RANBP3: variants seen among roughly 807,000 people sequenced by gnomAD.
The protein encoded by RANBP3 is RAN binding protein 3, also known as ran-binding protein 3.
In RANBP3, 14 loss-of-function variants were observed where a neutral mutation model predicts 77.3. That is an observed-to-expected ratio of 0.18 (90% CI 0.12 to 0.28). The LOEUF is 0.28. Ranked by LOEUF, RANBP3 falls within the 10% of genes least tolerant of loss-of-function variation. RANBP3 has a pLI of 1.00. For missense variants in RANBP3, 586 were observed against 752.3 expected (o/e 0.78, Z 2.59); for synonymous variants, 315 against 312.4 (o/e 1.01, Z -0.09).
At chr19:5,972,367 A>G (rs1236795603) in intron 1 of RANBP3, among the ~76,000 whole-genome samples, 3 of 152,222 alleles carry the variant, frequency 2.0e-5, no homozygotes, top group Non-Finnish European at 4.4e-5. Context: ...AACTGTGGAC[A>G]TGTGGAAGGT....
At chr19:5,942,700 CAAAAAA>C (rs11298054) in intron 3 of RANBP3, among the ~76,000 whole-genome samples, 1 of 90,850 alleles carries the variant, frequency 1.1e-5, no homozygotes. Context: ...GACTCTGTCT[CAAAAAA>C]AAAAAAAAAA....
At chr19:5,963,058 A>G (rs1268411089) in intron 1 of RANBP3, among the ~76,000 whole-genome samples, 1 of 152,216 alleles carries the variant, frequency 6.6e-6, no homozygotes, top group Non-Finnish European at 1.5e-5. Flanking sequence ...TCACCACTGC[A>G]GATTTCTAGA....
intron 9 of RANBP3, among the ~76,000 whole-genome samples, chr19:5,927,223 C>T (rs1004027139): frequency 1.2e-4 from 18 of 152,282 alleles, no homozygotes; most frequent in African/African-American, 4.3e-4. Flanking sequence ...AGTCCCAGTG[C>T]ATGGTCCAGG....
In RANBP3 at chr19:5,921,038, A is replaced by G; in HGVS notation, c.1330+163T>C. 1 of 763,644 alleles carries G rather than the reference A, an allele frequency of 1.3e-6. No homozygotes were observed. Among genetic ancestry groups the G allele is most frequent in the Non-Finnish European group, 1.9e-6 (1 of 516,818 alleles). 47.3% of individuals were successfully genotyped at this position (763,644 alleles called of 1,614,324 possible). A position where few individuals can be genotyped will look rare whatever the true frequency, so the allele number is the denominator to read the frequency against. On this transcript the variant is annotated intron_variant, in intron 14 of 16. Coordinates refer to ENST00000340578, the MANE Select transcript of RANBP3 (RefSeq NM_007322.3). This position sits in a 1 kb window ranked among gnomAD's most constrained non-coding sequence, Gnocchi z 5.3. ...GAGGGTGGTGTTGAGGGCTGGGTGC[A>G]GGGAGGGGGTTTGGGGGGCGGCTCT...
intron 9 of RANBP3, 111 bp from the exon 10 acceptor site, chr19:5,925,848 C>T (rs2057900797): frequency 1.2e-6 from 1 of 821,638 alleles, no homozygotes; most frequent in African/African-American, 1.7e-5. Flanking sequence ...GAGCCATGAA[C>T]CCTCTCCTGT....
Position 5,918,610 on chromosome 19 carries a change from C to T in RANBP3, c.1359G>A (p.Leu453=). ...LVMRTQGSLR[L]ILNTKLWAQM... ...GGGCCCACAGCTTGGTGTTGAGGAT[C>T]AGTCGCAGGCTCCCCTGGGTCCGCA... The change falls in exon 15 of 17, where the codon CTG becomes CTA. Residue 453 remains leucine (L), a synonymous_variant. Coordinates refer to ENST00000340578, the MANE Select transcript of RANBP3 (RefSeq NM_007322.3). 1.2e-6 allele frequency: 2 copies of T among 1,613,784 alleles called. No homozygotes were observed. Among genetic ancestry groups the T allele is most frequent in the East Asian group, 2.2e-5 (1 of 44,876 alleles).
intron 1 of RANBP3, among the ~76,000 whole-genome samples, chr19:5,965,303 G>C (rs2058454107): frequency 1.3e-5 from 2 of 152,140 alleles, no homozygotes; most frequent in African/African-American, 4.8e-5. Context: ...AAAGGGCCCA[G>C]ATACTGCCTC....
chr19:5,974,927 A>G (rs2058572660), intron 1 of RANBP3, among the ~76,000 whole-genome samples: 1 of 152,158 alleles, frequency 6.6e-6, no homozygotes, highest in Non-Finnish European at 1.5e-5. Context: ...TGGCCCAGAG[A>G]AGAGAGATGG....
chr19:5,931,626 G>A, intron 7 of RANBP3, 95 bp from the exon 8 acceptor site: 1 of 1,384,216 alleles, frequency 7.2e-7, no homozygotes, highest in Non-Finnish European at 9.7e-7. Flanking sequence ...TCTAGTCTAG[G>A]GCCCCTCCCA....
In RANBP3 at chr19:5,917,418, G is replaced by A. The variant is rs550952437; in HGVS notation, c.*192C>T. ...TCGCTCATCAATATGATGAGGTCTC[G>A]TGTCCCAAACCACATTCAGGCAGTT... On this transcript the variant is annotated 3_prime_UTR_variant, in exon 17 of 17. Transcript: ENST00000340578. 7.3e-5 allele frequency: 42 copies of A among 578,556 alleles called. 1 individual carries two copies. Among genetic ancestry groups the A allele is most frequent in the Middle Eastern group, 4.6e-4 (1 of 2,170 alleles). 35.8% of individuals were successfully genotyped at this position (578,556 alleles called of 1,614,324 possible).
Position 5,955,757 on chromosome 19 carries a change from C to CG in RANBP3, c.78+2160dup, listed in dbSNP as rs2058327888. Among the ~76,000 whole-genome samples the CG allele has an allele frequency of 2.0e-5, 3 of 152,298 alleles. No homozygotes were observed. In the South Asian group the frequency reaches 6.2e-4, roughly 32 times the overall value. ...ATATCTTAAGGCTCTGCAAGCCACA[C>CG]GGTCTCTGTCCAAATACTACTGCTG... On this transcript the variant is annotated intron_variant, in intron 2 of 16. Transcript: ENST00000340578.
Position 5,916,753 on chromosome 19 carries a change from G to A in RANBP3, c.*857C>T, listed in dbSNP as rs977602124. The A allele has an allele frequency of 3.3e-5, 5 of 152,318 alleles. No individual in the cohort carries two copies. The highest frequency in any genetic ancestry group is 2.1e-4 in the South Asian group (1 of 4,838). The allele number at this position is 152,318 out of a possible 1,614,324, so 9.4% of individuals were successfully genotyped here. A position where few individuals can be genotyped will look rare whatever the true frequency, so the allele number is the denominator to read the frequency against. On this transcript the variant is annotated 3_prime_UTR_variant, in exon 17 of 17. Transcript: ENST00000340578. The stretch of plus-strand genomic sequence containing the variant: ...GGTGAACCACGTGACAGATGGAGAC[G>A]GGAGTCAGGGGACCCTGGGGACCCT...
At chr19:5,968,282 G>A (rs1428115264) in intron 1 of RANBP3, among the ~76,000 whole-genome samples, 1 of 152,286 alleles carries the variant, frequency 6.6e-6, no homozygotes, top group East Asian at 1.9e-4. Flanking sequence ...TGGAGAGCGC[G>A]GGCTCTGGTC....
intron 3 of RANBP3, among the ~76,000 whole-genome samples, chr19:5,945,430 C>T (rs1310567797): frequency 6.6e-6 from 1 of 152,154 alleles, no homozygotes; most frequent in Non-Finnish European, 1.5e-5. Context: ...ATATTTTGAT[C>T]CTTTAAAATT....
intron 1 of RANBP3, among the ~76,000 whole-genome samples, chr19:5,972,413 C>T (rs144008266): frequency 5.3e-5 from 8 of 152,302 alleles, no homozygotes; most frequent in Middle Eastern, 3.4e-3. Context: ...TCCCAGGCCA[C>T]GTTATTCTCT....
In RANBP3 at chr19:5,924,749, G is replaced by C. The variant is rs2057878166; in HGVS notation, c.996+78C>G. 5 of 1,403,716 alleles carry C rather than the reference G, an allele frequency of 3.6e-6. No homozygotes were observed. The Admixed American group carries it at 6.7e-5, about 19-fold the overall frequency. The allele number at this position is 1,403,716 out of a possible 1,614,324, so 87.0% of individuals were successfully genotyped here. ...TCACATAGGACGACACAGCAGCCCT[G>C]CTCTCCATGTCCCCTTGACCTGTGG... On this transcript the variant is annotated intron_variant, in intron 11 of 16. Transcript: ENST00000340578. The surrounding 1 kb of genome is among the most constrained non-coding windows in gnomAD (Gnocchi z 4.7).
At chr19:5,951,734 A>T (rs2145186814) in intron 2 of RANBP3, 138 bp from the exon 3 acceptor site, 1 of 770,062 alleles carries the variant, frequency 1.3e-6, no homozygotes, top group African/African-American at 1.7e-5. Context: ...TGGGGAGAGC[A>T]GGCACCTGCT....
chr19:5,938,676 G>T (rs905722385), intron 5 of RANBP3, among the ~76,000 whole-genome samples: 9 of 152,188 alleles, frequency 5.9e-5, no homozygotes, highest in Admixed American at 1.3e-4. Flanking sequence ...TGGGGGACAA[G>T]AGTGAAACTC....
At chr19:5,925,790 T>C in intron 9 of RANBP3, 53 bp from the exon 10 acceptor site, 1 of 1,422,878 alleles carries the variant, frequency 7.0e-7, no homozygotes, top group Non-Finnish European at 9.9e-7. Context: ...TGCCTGGAGT[T>C]CCACAGCTCA....
Sources: gnomAD v4.1 joint callset for allele counts (sites outside exome capture counted in the v4.1 genomes callset) on GRCh38, gnomAD v4.1.1 for gene constraint, Gnocchi (gnomAD v3.1) non-coding constraint, MANE v1.5 for transcripts, NCBI Gene and HGNC (gene_info 2026-07-23, HGNC 2026-07-21) for gene names.